The following TATDN1 variants were observed in gnomAD, a reference collection of about 807,000 sequenced individuals.
TATDN1 encodes the protein TatD DNase domain containing 1.
Under a neutral mutation model 46.4 loss-of-function variants are expected in TATDN1, and 40 were observed. The observed-to-expected ratio is 0.86, with a 90% CI of 0.67 to 1.12. The LOEUF is 1.12. Among genes scored for constraint, TATDN1 ranks in the 50% most tolerant of loss-of-function variants. TATDN1 has a pLI of 0.00. For missense variants in TATDN1, 326 were observed against 348.4 expected, an observed-to-expected ratio of 0.94 and a Z score of 0.51; for synonymous variants, 95 against 105.6, an observed-to-expected ratio of 0.90 and a Z score of 0.62.
At chr8:124,492,908 G>A (rs1211513797) in intron 11 of TATDN1, among the ~76,000 whole-genome samples, 1 of 152,142 alleles carries the variant, frequency 6.6e-6, no homozygotes, top group Non-Finnish European at 1.5e-5. Flanking sequence ...AGCTCAAGCA[G>A]TCTTCCCAAG....
chr8:124,512,952 T>C (rs185813096), intron 6 of TATDN1, among the ~76,000 whole-genome samples: 21 of 152,258 alleles, frequency 1.4e-4, no homozygotes, highest in Non-Finnish European at 2.9e-4. Context: ...TCTTTCTCTG[T>C]TGCCCGGGCT....
At chr8:124,518,076 G>A (rs1025544596) in intron 4 of TATDN1, among the ~76,000 whole-genome samples, 46 of 151,710 alleles carry the variant, frequency 3.0e-4, no homozygotes, top group African/African-American at 9.2e-4. Flanking sequence ...GCTGGGCATG[G>A]TGGCAGGCAC....
chr8:124,495,246 T>C, intron 10 of TATDN1: 1 of 516,194 alleles, frequency 1.9e-6, no homozygotes. Flanking sequence ...GGCATCTCAT[T>C]TTCTAAGTGC....
chr8:124,518,978 T>C lies in TATDN1; in HGVS notation c.139-97A>G. On this transcript the variant is annotated intron_variant, in intron 3 of 11. Transcript: ENST00000276692. ...CTACCACTTCCTTATTCCAGAATGC[T>C]CTTTCCTCTGTGACTGCCACACACC... is the stretch of plus-strand genomic sequence containing the variant. 3.8e-6 allele frequency: 3 copies of C among 799,698 alleles called. No individual in the cohort carries two copies. In the South Asian group the frequency reaches 4.8e-5, roughly 13 times the overall value. 49.5% of individuals were successfully genotyped at this position (799,698 alleles called of 1,614,324 possible).
chr8:124,534,039 G>A (rs1053609150), intron 1 of TATDN1, among the ~76,000 whole-genome samples: 3 of 150,648 alleles, frequency 2.0e-5, no homozygotes, highest in East Asian at 2.0e-4. Context: ...CCAGCTACTC[G>A]GGAGGCTGAG....
chr8:124,506,831 TC>T (rs67406350), intron 8 of TATDN1, among the ~76,000 whole-genome samples: 14,144 of 152,160 alleles, frequency 0.093, 825 homozygotes, highest in Non-Finnish European at 0.13. Flanking sequence ...TGAGCATTTT[TC>T]TAAGGCAGGT....
At chr8:124,510,366 C>T (rs376500286) in intron 6 of TATDN1, among the ~76,000 whole-genome samples, 2 of 152,134 alleles carry the variant, frequency 1.3e-5, no homozygotes, top group South Asian at 4.1e-4. Flanking sequence ...ACACAGCAGG[C>T]GGTACTCTTC....
At chr8:124,510,836 AAAAG>A (rs1214807249) in intron 6 of TATDN1, among the ~76,000 whole-genome samples, 1 of 152,204 alleles carries the variant, frequency 6.6e-6, no homozygotes, top group African/African-American at 2.4e-5. Flanking sequence ...AGAAAAAAGA[AAAAG>A]AAAATAACAG....
intron 10 of TATDN1, 34 bp downstream of exon 10, chr8:124,495,431 GTATGGTT>G: frequency 6.8e-7 from 1 of 1,472,650 alleles, no homozygotes. Flanking sequence ...TTTTTGTTTG[GTATGGTT>G]TAATATGAAA....
chr8:124,507,337 G>A (rs538891912), intron 8 of TATDN1, among the ~76,000 whole-genome samples: 9 of 152,144 alleles, frequency 5.9e-5, no homozygotes, highest in South Asian at 4.2e-4. Flanking sequence ...TGAATACAGC[G>A]GACAAGAAAT....
chr8:124,528,925 AG>A (rs1820728235), intron 1 of TATDN1, among the ~76,000 whole-genome samples: 1 of 152,202 alleles, frequency 6.6e-6, no homozygotes, highest in Admixed American at 6.5e-5. Flanking sequence ...AGTACAACAA[AG>A]GTCACGAGAA....
At position 124,493,110 on chromosome 8, in the gene TATDN1, T is replaced by A. The variant is rs189143941; in HGVS notation, c.791+723A>T. 3.9e-5 allele frequency among the ~76,000 whole-genome samples: 6 copies of A among 152,364 alleles called. No individual in the cohort carries two copies. In the East Asian group the frequency reaches 9.6e-4, roughly 24 times the overall value. Reference sequence around the variant, plus strand: ...AACTACTGAAAAAAAAGATGGTGCATATGCAATGAATAGTCTTAAAAGCAA... The same window carrying A: ...AACTACTGAAAAAAAAGATGGTGCAAATGCAATGAATAGTCTTAAAAGCAA... On this transcript the variant is annotated intron_variant, in intron 11 of 11. Coordinates refer to ENST00000276692, the MANE Select transcript of TATDN1 (RefSeq NM_032026.4).
chr8:124,499,582 T>C (rs1210769062), intron 9 of TATDN1, among the ~76,000 whole-genome samples: 1 of 152,198 alleles, frequency 6.6e-6, no homozygotes, highest in Non-Finnish European at 1.5e-5. Flanking sequence ...TCTCACTCTG[T>C]CGCCCAGGCT....
At position 124,488,662 on chromosome 8, in the gene TATDN1, C is replaced by T. The variant is rs753444045; in HGVS notation, c.826G>A (p.Glu276Lys). The change falls in exon 12 of 12, where the codon GAG becomes AAG. Residue 276 changes from glutamate (E) to lysine (K), a missense_variant. Transcript: ENST00000276692. Reference protein sequence around the residue: ...ILEIMSAVRDEDPLELANTLY... With the variant: ...ILEIMSAVRDKDPLELANTLY... ...GTATTGGCTAATTCCAGTGGATCCT[C>T]ATCTCTCACTGCTGACATTATCTCC... is the stretch of plus-strand genomic sequence containing the variant. 10 of 1,607,148 alleles carry T rather than the reference C, an allele frequency of 6.2e-6. No homozygotes were observed. In the South Asian group the frequency reaches 1.1e-4, roughly 18 times the overall value.
intron 8 of TATDN1, among the ~76,000 whole-genome samples, chr8:124,507,640 T>C (rs1009857859): frequency 5.9e-5 from 9 of 152,048 alleles, no homozygotes; most frequent in African/African-American, 2.2e-4. Flanking sequence ...AAAAATTAGC[T>C]GGCCATGGTG....
intron 9 of TATDN1, among the ~76,000 whole-genome samples, chr8:124,496,546 T>C (rs1028236373): frequency 3.3e-5 from 5 of 152,236 alleles, no homozygotes; most frequent in African/African-American, 1.2e-4. Flanking sequence ...AGTTTTGCCT[T>C]TTCCAGACTG....
intron 9 of TATDN1, among the ~76,000 whole-genome samples, chr8:124,498,316 G>A (rs1018552446): frequency 1.3e-5 from 2 of 152,064 alleles, no homozygotes; most frequent in African/African-American, 4.8e-5. Context: ...GGAGCTAATT[G>A]TTAGGCTCAT....
intron 2 of TATDN1, 38 bp downstream of exon 2, chr8:124,522,899 C>T: frequency 6.4e-7 from 1 of 1,570,120 alleles, no homozygotes; most frequent in Non-Finnish European, 8.8e-7. Flanking sequence ...AATTTGTCTT[C>T]ATAGGAAACT....
intron 1 of TATDN1, 54 bp from the exon 2 acceptor site, chr8:124,523,056 A>G (rs915863037): frequency 1.1e-5 from 17 of 1,500,340 alleles, no homozygotes; most frequent in Non-Finnish European, 1.6e-5. Context: ...TGAAACTTGT[A>G]CTTAAATAAA....
Sources: allele counts gnomAD v4.1 joint callset (sites outside exome capture counted in the v4.1 genomes callset), GRCh38; gene constraint gnomAD v4.1.1; transcripts MANE v1.5; gene names NCBI Gene and HGNC (gene_info 2026-07-23, HGNC 2026-07-21).